The following OR10H5 variants were observed in gnomAD, a reference collection of about 807,000 sequenced individuals.
OR10H5 encodes the protein olfactory receptor family 10 subfamily H member 5.
In OR10H5, 7 loss-of-function variants were observed where a neutral mutation model predicts 12.2. The ratio of observed to expected loss-of-function variants is 0.57; its 90% confidence interval spans 0.33 to 1.07. The LOEUF (loss-of-function observed/expected upper bound fraction) is 1.07. OR10H5 is among the 50% of genes least tolerant of loss of function. OR10H5 has a pLI of 0.04. For synonymous variants in OR10H5, 159 were observed against 175.1 expected, an observed-to-expected ratio of 0.91 and a Z score of 0.73; for missense variants, 346 against 411.6, an observed-to-expected ratio of 0.84 and a Z score of 1.38.
chr19:15,790,295 G>A (rs2088803936), intron 1 of OR10H5, among the ~76,000 whole-genome samples: 1 of 152,172 alleles, frequency 6.6e-6, no homozygotes, highest in Non-Finnish European at 1.5e-5. Context: ...GGCAGGCAAG[G>A]ATGAGTGGCA....
chr19:15,790,603 C>G (rs1338161030), intron 1 of OR10H5, among the ~76,000 whole-genome samples: 1 of 151,930 alleles, frequency 6.6e-6, no homozygotes, highest in Non-Finnish European at 1.5e-5. Context: ...GAGGCCAGAG[C>G]TGGGGTTGTG....
intron 1 of OR10H5, among the ~76,000 whole-genome samples, 197 bp downstream of exon 1, chr19:15,787,913 G>A (rs970587793): frequency 1.3e-5 from 2 of 152,098 alleles, no homozygotes; most frequent in Non-Finnish European, 2.9e-5. Context: ...CTCCAGGCTG[G>A]ATCAGCCTGT....
rs1294583671 is a variant in OR10H5 at position 15,795,623 on chromosome 19, GC to G, written c.*630del. On this transcript the variant is annotated 3_prime_UTR_variant, in exon 2 of 2. Coordinates refer to ENST00000642092, the MANE Select transcript of OR10H5 (RefSeq NM_001004466.2). ...TCACAGGCGTGAGTCACCACACCCA[GC>G]CCTGACTTTTTTACTGTAGACATCC... is the stretch of plus-strand genomic sequence containing the variant. 3 of 152,912 alleles carry G rather than the reference GC, an allele frequency of 2.0e-5. No homozygotes were observed. Among genetic ancestry groups the G allele is most frequent in the African/African-American group, 7.2e-5 (3 of 41,494 alleles). 9.5% of individuals were successfully genotyped at this position (152,912 alleles called of 1,614,324 possible). A position where few individuals can be genotyped will look rare whatever the true frequency, so the allele number is the denominator to read the frequency against.
Position 15,794,375 on chromosome 19 carries a change from C to T in OR10H5, c.327C>T (p.Phe109=). 6.2e-7 allele frequency: 1 copy of T among 1,614,206 alleles called. No individual in the cohort carries two copies. Residue 109 remains phenylalanine (F), a synonymous_variant, in exon 2 of 2, where the codon TTC becomes TTT. Coordinates refer to ENST00000642092, the MANE Select transcript of OR10H5 (RefSeq NM_001004466.2). ...TGTTCTTCTCCTTCAGCTTCGGCTT[C>T]ACCCACTCCTTCCTGCTCACTGTCA... ...SQMFFSFSFG[F]THSFLLTVMG...
chr19:15,792,026 C>CAAA (rs11329523), intron 1 of OR10H5, among the ~76,000 whole-genome samples: 2 of 147,576 alleles, frequency 1.4e-5, no homozygotes, highest in Non-Finnish European at 1.5e-5. Context: ...CACTTGGTCT[C>CAAA]AAAAAAAAAA....
chr19:15,799,288 T>TC lies in OR10H5; in HGVS notation c.*4293dup, dbSNP rs2088856015. On this transcript the variant is annotated 3_prime_UTR_variant, in exon 2 of 2. Coordinates refer to ENST00000642092, the MANE Select transcript of OR10H5 (RefSeq NM_001004466.2). ...AACCTTGCATCTACTCTTTTTTTTT[T>TC]CTTCAGAGATTGGGGCATGAAATCT... 6.6e-6 allele frequency: 1 copy of TC among 152,108 alleles called. No individual in the cohort carries two copies. Among genetic ancestry groups the TC allele is most frequent in the Admixed American group, 6.6e-5 (1 of 15,256 alleles). 9.4% of individuals were successfully genotyped at this position (152,108 alleles called of 1,614,324 possible).
chr19:15,792,360 T>G (rs532682936), intron 1 of OR10H5, among the ~76,000 whole-genome samples: 1 of 152,368 alleles, frequency 6.6e-6, no homozygotes, highest in East Asian at 1.9e-4. Flanking sequence ...TCCAATTTTA[T>G]TTCAGAATGC....
intron 1 of OR10H5, among the ~76,000 whole-genome samples, chr19:15,788,646 C>T (rs901677788): frequency 9.9e-5 from 15 of 152,098 alleles, no homozygotes; most frequent in Admixed American, 7.2e-4. Context: ...CGCAGGCACA[C>T]AGCACCACGC....
chr19:15,793,505 C>A (rs932869928), intron 1 of OR10H5, among the ~76,000 whole-genome samples: 3 of 151,832 alleles, frequency 2.0e-5, no homozygotes, highest in East Asian at 1.9e-4. Flanking sequence ...CTCAGGTGAC[C>A]CCCCTCTGCC....
intron 1 of OR10H5, among the ~76,000 whole-genome samples, chr19:15,790,741 C>T (rs1171738798): frequency 6.6e-6 from 1 of 152,112 alleles, no homozygotes; most frequent in Non-Finnish European, 1.5e-5. Flanking sequence ...CCCTCCAGCC[C>T]ACACATGCTA....
intron 1 of OR10H5, among the ~76,000 whole-genome samples, chr19:15,792,741 C>T (rs2088814913): frequency 6.6e-6 from 1 of 152,158 alleles, no homozygotes. Flanking sequence ...GCTGGGATTA[C>T]AGGAGTGAGC....
chr19:15,788,871 T>G lies in OR10H5; in HGVS notation c.-12+1155T>G, dbSNP rs148222615. Among the ~76,000 whole-genome samples, 803 of 152,274 alleles carry G rather than the reference T, an allele frequency of 5.3e-3. 3 individuals carry two copies. Among genetic ancestry groups the G allele is most frequent in the Non-Finnish European group, 9.5e-3 (645 of 68,016 alleles). On this transcript the variant is annotated intron_variant, in intron 1 of 1. Coordinates refer to ENST00000642092, the MANE Select transcript of OR10H5 (RefSeq NM_001004466.2). ...TGCCACCTAAGGTCACATTATTTTATTTTAGTTTAGTTTAGTTTGGTTTCA... is the reference window on the plus strand; with the variant it reads ...TGCCACCTAAGGTCACATTATTTTAGTTTAGTTTAGTTTAGTTTGGTTTCA...
At chr19:15,793,887 A>C in intron 1 of OR10H5, 151 bp from the exon 2 acceptor site, 1 of 704,964 alleles carries the variant, frequency 1.4e-6, no homozygotes, top group East Asian at 2.7e-5. Context: ...TCAAAAACTA[A>C]AACTAAAAAT....
Position 15,795,160 on chromosome 19 carries a change from C to T in OR10H5, c.*164C>T. 3 of 612,766 alleles carry T rather than the reference C, an allele frequency of 4.9e-6. No individual in the cohort carries two copies. The highest frequency in any genetic ancestry group is 4.2e-5 in the South Asian group (2 of 47,820). The allele number at this position is 612,766 out of a possible 1,614,324, so 38.0% of individuals were successfully genotyped here. On this transcript the variant is annotated 3_prime_UTR_variant, in exon 2 of 2. Transcript: ENST00000642092. The stretch of plus-strand genomic sequence containing the variant: ...CTCCCTCCTTCTCTGACCTACAGTC[C>T]ACCCTCCCTCCCCCCTCCTCCTTGC...
At position 15,795,115 on chromosome 19, in the gene OR10H5, C is replaced by G; in HGVS notation, c.*119C>G. 1.2e-6 allele frequency: 1 copy of G among 861,884 alleles called. No homozygotes were observed. The highest frequency in any genetic ancestry group is 1.7e-6 in the Non-Finnish European group (1 of 577,684). The allele number at this position is 861,884 out of a possible 1,614,324, so 53.4% of individuals were successfully genotyped here. On this transcript the variant is annotated 3_prime_UTR_variant, in exon 2 of 2. Coordinates refer to ENST00000642092, the MANE Select transcript of OR10H5 (RefSeq NM_001004466.2). ...CCTCCCTCCCTTCCTTCCTTCTTTC[C>G]TTCCTCCCTCCCTCCTTTCCTCCCT... is the stretch of plus-strand genomic sequence containing the variant.
Position 15,793,277 on chromosome 19 carries a change from G to A in OR10H5, c.-11-761G>A, listed in dbSNP as rs1364710719. 1.3e-5 allele frequency among the ~76,000 whole-genome samples: 2 copies of A among 152,080 alleles called. 1 individual carries two copies. Among genetic ancestry groups the A allele is most frequent in the Non-Finnish European group, 2.9e-5 (2 of 68,022 alleles). On this transcript the variant is annotated intron_variant, in intron 1 of 1. Transcript: ENST00000642092. ...CAGGACCACAGACATGCACCACAAT[G>A]TGTGGCACATTTTCTTATACTTCGT...
rs1377773419 is a variant in OR10H5 at position 15,795,416 on chromosome 19, C to A, written c.*420C>A. The A allele has an allele frequency of 1.1e-5, 2 of 176,954 alleles. No homozygotes were observed. The highest frequency in any genetic ancestry group is 4.8e-5 in the African/African-American group (2 of 41,716). The allele number at this position is 176,954 out of a possible 1,614,324, so 11.0% of individuals were successfully genotyped here. A position where few individuals can be genotyped will look rare whatever the true frequency, so the allele number is the denominator to read the frequency against. On this transcript the variant is annotated 3_prime_UTR_variant, in exon 2 of 2. Transcript: ENST00000642092. ...TCTCGGCTCACTGCAACCTCCACCT[C>A]CTGGGTTCAAGCGATTCTCCTGCCT...
rs57293312 is a variant in OR10H5, at chr19:15,788,634, A to G, written c.-12+918A>G. On this transcript the variant is annotated intron_variant, in intron 1 of 1. Coordinates refer to ENST00000642092, the MANE Select transcript of OR10H5 (RefSeq NM_001004466.2). ...CCACTTGGCCTCCTAAGCAGCTGTT[A>G]GCGCAGGCACACAGCACCACGCCCA... Among the ~76,000 whole-genome samples, 1,078 of 152,188 alleles carry G rather than the reference A, an allele frequency of 7.1e-3. 15 individuals carry two copies. Among genetic ancestry groups the G allele is most frequent in the African/African-American group, 0.025 (1,024 of 41,516 alleles).
chr19:15,789,895 C>T (rs972362296), intron 1 of OR10H5, among the ~76,000 whole-genome samples: 1 of 151,424 alleles, frequency 6.6e-6, no homozygotes, highest in African/African-American at 2.4e-5. Context: ...AATCCTCTCA[C>T]CTCAGCCTCC....
Sources: gnomAD v4.1 joint callset for allele counts (sites outside exome capture counted in the v4.1 genomes callset) on GRCh38, gnomAD v4.1.1 for gene constraint, MANE v1.5 for transcripts, NCBI Gene and HGNC (gene_info 2026-07-23, HGNC 2026-07-21) for gene names.